The following GRIP1 variants were observed in gnomAD, a reference collection of about 807,000 sequenced individuals.
GRIP1 encodes glutamate receptor-interacting protein 1.
A neutral mutation model predicts 129.9 loss-of-function variants in GRIP1; 45 were observed. The observed-to-expected ratio is 0.35, with a 90% CI of 0.27 to 0.44. GRIP1 has a LOEUF of 0.44. Among genes scored for constraint, GRIP1 ranks in the 20% least tolerant of loss-of-function variants. The probability of loss-of-function intolerance (pLI) is 1.00; values close to 1 mark genes in which losing one functional copy is unlikely to be tolerated. For synonymous variants in GRIP1, 530 were observed against 520.8 expected (o/e 1.02, Z -0.24); for missense variants, 1,196 against 1,396.8 (o/e 0.86, Z 2.29).
chr12:66,588,962 G>A (rs2063743535), intron 2 of GRIP1, among the ~76,000 whole-genome samples: 1 of 146,526 alleles, frequency 6.8e-6, no homozygotes, highest in African/African-American at 2.5e-5. Context: ...CAGCAAGACC[G>A]TGTCCCCCTC....
intron 1 of GRIP1, among the ~76,000 whole-genome samples, chr12:66,848,994 T>C (rs2039865433): frequency 6.6e-6 from 1 of 152,150 alleles, no homozygotes; most frequent in Non-Finnish European, 1.5e-5. Context: ...TTGCATTTTA[T>C]CCACCTAGGT....
chr12:66,490,464 A>T (rs931941414), intron 7 of GRIP1, among the ~76,000 whole-genome samples: 2 of 152,226 alleles, frequency 1.3e-5, no homozygotes, highest in Non-Finnish European at 2.9e-5. Flanking sequence ...CTTACACCTT[A>T]TACAAAAATT....
intron 13 of GRIP1, among the ~76,000 whole-genome samples, chr12:66,442,403 T>C (rs76103439): frequency 0.021 from 3,146 of 152,298 alleles, 49 homozygotes; most frequent in Middle Eastern, 0.061. Context: ...AGCTTTCATA[T>C]CCCTGCCCAA....
chr12:66,451,381 C>G (rs1461084952), intron 11 of GRIP1, among the ~76,000 whole-genome samples: 19 of 40,766 alleles, frequency 4.7e-4, no homozygotes, highest in African/African-American at 1.6e-3. Context: ...TTATTATAAT[C>G]TGTTTTTTTT....
At chr12:66,384,645 A>G (rs935242759) in intron 19 of GRIP1, among the ~76,000 whole-genome samples, 2 of 152,202 alleles carry the variant, frequency 1.3e-5, no homozygotes, top group African/African-American at 4.8e-5. Flanking sequence ...GATTATAGAT[A>G]GAAATGTGGG....
intron 1 of GRIP1, among the ~76,000 whole-genome samples, chr12:66,899,908 T>C (rs1257637618): frequency 6.6e-6 from 1 of 151,992 alleles, no homozygotes; most frequent in Non-Finnish European, 1.5e-5. Flanking sequence ...CCAGTCTATA[T>C]ATGTGATTTT....
At chr12:66,587,953 T>C (rs2063704510) in intron 2 of GRIP1, among the ~76,000 whole-genome samples, 1 of 152,130 alleles carries the variant, frequency 6.6e-6, no homozygotes, top group Admixed American at 6.5e-5. Flanking sequence ...GTTTTAGAAA[T>C]GTATAAGAAT....
intron 23 of GRIP1, among the ~76,000 whole-genome samples, chr12:66,368,236 G>A (rs888641522): frequency 7.9e-5 from 12 of 151,984 alleles, no homozygotes; most frequent in Non-Finnish European, 4.4e-5. Flanking sequence ...TGCAGGAGCT[G>A]GAGTGTTTTT....
At chr12:66,536,614 C>T (rs1393359978) in intron 4 of GRIP1, among the ~76,000 whole-genome samples, 1 of 152,202 alleles carries the variant, frequency 6.6e-6, no homozygotes, top group Non-Finnish European at 1.5e-5. Context: ...TGATGCTGTC[C>T]TAACCACCCT....
chr12:66,409,565 G>C (rs1375925938), intron 15 of GRIP1, among the ~76,000 whole-genome samples: 3 of 152,116 alleles, frequency 2.0e-5, no homozygotes, highest in African/African-American at 4.8e-5. Context: ...TTCCCAAGAA[G>C]GACAGGTACA....
At chr12:67,012,355 C>T (rs2042722012) in intron 1 of GRIP1, among the ~76,000 whole-genome samples, 1 of 152,080 alleles carries the variant, frequency 6.6e-6, no homozygotes, top group African/African-American at 2.4e-5. Flanking sequence ...GCACAGACTG[C>T]CTTCTGAGAC....
At chr12:66,815,854 T>TTCTTTCTCTCTCTC (rs1555241802) in intron 1 of GRIP1, among the ~76,000 whole-genome samples, 41 of 116,830 alleles carry the variant, frequency 3.5e-4, no homozygotes, top group South Asian at 6.6e-4. Flanking sequence ...CTTTCTTTCT[T>TTCTTTCTCTCTCTC]TCTCTCTCTC....
chr12:66,465,141 T>A, intron 8 of GRIP1, 134 bp downstream of exon 8: 1 of 640,722 alleles, frequency 1.6e-6, no homozygotes, highest in Non-Finnish European at 2.8e-6. Flanking sequence ...AGATGGGGTT[T>A]CACCATGTTG....
At chr12:66,628,661 T>C (rs2030387482) in intron 1 of GRIP1, among the ~76,000 whole-genome samples, 1 of 152,206 alleles carries the variant, frequency 6.6e-6, no homozygotes, top group African/African-American at 2.4e-5. Flanking sequence ...CAGGGGTGAA[T>C]TTGCTCCTTT....
chr12:66,562,934 T>C (rs1396308514), intron 2 of GRIP1, among the ~76,000 whole-genome samples: 3 of 151,994 alleles, frequency 2.0e-5, no homozygotes, highest in Non-Finnish European at 4.4e-5. Context: ...AAAATATATT[T>C]ACTATTTATT....
chr12:67,046,956 A>G (rs1463196483), intron 1 of GRIP1, among the ~76,000 whole-genome samples: 1 of 152,196 alleles, frequency 6.6e-6, no homozygotes, highest in African/African-American at 2.4e-5. Context: ...TGAGAAGTCG[A>G]AAGGATTTCT....
At chr12:66,654,228 A>G (rs1018592777) in intron 1 of GRIP1, among the ~76,000 whole-genome samples, 1 of 152,234 alleles carries the variant, frequency 6.6e-6, no homozygotes, top group African/African-American at 2.4e-5. Context: ...AGAAAAAAAA[A>G]TCACAAAATG....
At position 66,456,252 on chromosome 12, in the gene GRIP1, TA is replaced by T; in HGVS notation, c.1132del (p.Tyr378ThrfsTer11). On this transcript the variant is annotated frameshift_variant, in exon 10 of 25. Coordinates refer to ENST00000359742, the MANE Select transcript of GRIP1 (RefSeq NM_001366722.1). LOFTEE classifies it high-confidence loss of function. ...TGGTACTCTGCAATGGTCAGGGTGG[TA>T]CGTGTTATAGTGATGGTTGGTGTGA... ...SLHTNHHYNT[Y>X]HPDHCRVPAL... is the part of the protein sequence containing the mutation. The T allele has an allele frequency of 3.9e-6, 5 of 1,289,562 alleles. No individual in the cohort carries two copies. Among genetic ancestry groups the T allele is most frequent in the Non-Finnish European group, 5.1e-6 (5 of 988,388 alleles). The allele number at this position is 1,289,562 out of a possible 1,614,324, so 79.9% of individuals were successfully genotyped here.
At chr12:66,715,471 T>TGTGTGTGTGTGTGAGAGAGAGA (rs761155485) in intron 1 of GRIP1, among the ~76,000 whole-genome samples, 50 of 110,128 alleles carry the variant, frequency 4.5e-4, no homozygotes, top group Non-Finnish European at 8.6e-4. Flanking sequence ...TGTGTGTGTG[T>TGTGTGTGTGTGTGAGAGAGAGA]GAGAGAGAGA....
Sources: gnomAD v4.1 joint callset for allele counts (sites outside exome capture counted in the v4.1 genomes callset) on GRCh38, gnomAD v4.1.1 for gene constraint, MANE v1.5 for transcripts, NCBI Gene and HGNC (gene_info 2026-07-23, HGNC 2026-07-21) for gene names.